GADL1: variants seen among roughly 807,000 people sequenced by gnomAD.
The protein encoded by GADL1 is GAD like acidic amino acid decarboxylase 1.
GADL1 carries 71 observed loss-of-function variants against 69.5 expected under a neutral mutation model. That is an observed-to-expected ratio of 1.02 (90% CI 0.84 to 1.25). The LOEUF is 1.25. Among genes scored for constraint, GADL1 ranks in the 50% most tolerant of loss-of-function variants. The pLI is 0.00. For synonymous variants in GADL1, 254 were observed against 214.4 expected (o/e 1.18, Z -1.62); for missense variants, 737 against 631.8 (o/e 1.17, Z -1.79).
intron 1 of GADL1, among the ~76,000 whole-genome samples, chr3:30,890,209 A>G (rs545866091): frequency 3.9e-5 from 6 of 152,316 alleles, no homozygotes; most frequent in Admixed American, 2.6e-4. Context: ...AGAACTTAAG[A>G]TTTCGGGAAT....
intron 6 of GADL1, among the ~76,000 whole-genome samples, chr3:30,845,043 C>A (rs576866284): frequency 1.3e-5 from 2 of 152,122 alleles, no homozygotes; most frequent in Non-Finnish European, 2.9e-5. Flanking sequence ...TTTCCTAGAG[C>A]AAACAATGAG....
At chr3:30,746,908 A>G (rs1695715823) in intron 14 of GADL1, among the ~76,000 whole-genome samples, 1 of 152,186 alleles carries the variant, frequency 6.6e-6, no homozygotes, top group East Asian at 1.9e-4. Context: ...AAAATGAGAT[A>G]TGAGAGTTTA....
intron 3 of GADL1, among the ~76,000 whole-genome samples, chr3:30,855,485 G>A (rs1230777668): frequency 5.3e-5 from 8 of 152,044 alleles, no homozygotes; most frequent in South Asian, 2.1e-4. Flanking sequence ...GGACCCATGC[G>A]ACTGGCAGTA....
At chr3:30,798,425 G>A (rs908996169) in intron 12 of GADL1, 1 of 152,430 alleles carries the variant, frequency 6.6e-6, no homozygotes, top group African/African-American at 2.4e-5. Flanking sequence ...AGAAACCCCT[G>A]ATAAAACCAT....
At chr3:30,869,903 C>G (rs1698456739) in intron 1 of GADL1, among the ~76,000 whole-genome samples, 1 of 151,740 alleles carries the variant, frequency 6.6e-6, no homozygotes, top group Non-Finnish European at 1.5e-5. Context: ...GAAATCCTAT[C>G]CAAAAGGCAT....
chr3:30,821,335 TAAAGA>T (rs763507178), intron 11 of GADL1, among the ~76,000 whole-genome samples: 1 of 150,836 alleles, frequency 6.6e-6, no homozygotes, highest in Non-Finnish European at 1.5e-5. Flanking sequence ...ATAATAATAA[TAAAGA>T]AAAAAAGAAA....
intron 14 of GADL1, among the ~76,000 whole-genome samples, chr3:30,735,911 T>C (rs1695535883): frequency 6.6e-6 from 1 of 152,168 alleles, no homozygotes; most frequent in Non-Finnish European, 1.5e-5. Flanking sequence ...GTACCCAACA[T>C]ACTTATTAAA....
At chr3:30,824,685 A>G (rs2125519345) in intron 11 of GADL1, among the ~76,000 whole-genome samples, 1 of 151,098 alleles carries the variant, frequency 6.6e-6, no homozygotes, top group Admixed American at 6.6e-5. Context: ...TCCAAGCACA[A>G]GAAAATACAT....
At chr3:30,774,365 C>G (rs1696487086) in intron 14 of GADL1, among the ~76,000 whole-genome samples, 1 of 152,160 alleles carries the variant, frequency 6.6e-6, no homozygotes, top group Non-Finnish European at 1.5e-5. Context: ...TTTAACATAC[C>G]AATGCCAAAT....
intron 14 of GADL1, among the ~76,000 whole-genome samples, chr3:30,730,957 C>T (rs926826846): frequency 6.6e-6 from 1 of 152,196 alleles, no homozygotes; most frequent in Non-Finnish European, 1.5e-5. Flanking sequence ...TTTAAAATCT[C>T]TCTGGCCACA....
At chr3:30,770,758 AGATAGGC>A (rs1696398107) in intron 14 of GADL1, among the ~76,000 whole-genome samples, 2 of 152,180 alleles carry the variant, frequency 1.3e-5, no homozygotes, top group Non-Finnish European at 2.9e-5. Context: ...AATTTTCAAG[AGATAGGC>A]TAAACTCAGA....
chr3:30,863,958 A>G (rs1450670353), intron 1 of GADL1, among the ~76,000 whole-genome samples: 4 of 152,068 alleles, frequency 2.6e-5, no homozygotes, highest in Non-Finnish European at 4.4e-5. Context: ...TCTGCAGCAA[A>G]GGATCAATCT....
chr3:30,831,130 A>T (rs868700376), intron 11 of GADL1, among the ~76,000 whole-genome samples: 5 of 151,782 alleles, frequency 3.3e-5, no homozygotes, highest in Admixed American at 3.3e-4. Context: ...CTAAATGAAA[A>T]TTTTTTCCAA....
intron 11 of GADL1, among the ~76,000 whole-genome samples, chr3:30,819,540 G>C (rs1361032701): frequency 6.6e-6 from 1 of 152,032 alleles, no homozygotes; most frequent in Non-Finnish European, 1.5e-5. Context: ...AGATTAATTG[G>C]AAAGTAATTT....
At chr3:30,842,337 TG>T (rs57976147) in intron 8 of GADL1, among the ~76,000 whole-genome samples, 8,168 of 152,180 alleles carry the variant, frequency 0.054, 738 homozygotes, top group African/African-American at 0.19. Flanking sequence ...GTATTATGTC[TG>T]GGGTTTGCTT....
chr3:30,786,062 A>G (rs1696782523), intron 13 of GADL1, among the ~76,000 whole-genome samples: 1 of 152,234 alleles, frequency 6.6e-6, no homozygotes, highest in South Asian at 2.1e-4. Context: ...TTGCAGTACA[A>G]TCATGCAATT....
At chr3:30,820,793 A>G (rs1373331975) in intron 11 of GADL1, among the ~76,000 whole-genome samples, 2 of 151,846 alleles carry the variant, frequency 1.3e-5, no homozygotes, top group African/African-American at 4.8e-5. Flanking sequence ...AACTAGAAAT[A>G]CCATTTGACC....
At chr3:30,730,544 T>C (rs1357295508) in intron 14 of GADL1, among the ~76,000 whole-genome samples, 1 of 152,182 alleles carries the variant, frequency 6.6e-6, no homozygotes, top group Non-Finnish European at 1.5e-5. Context: ...GCAAGAACAG[T>C]GGAGGGCCCT....
chr3:30,762,458 CTT>C (rs1696160225), intron 14 of GADL1, among the ~76,000 whole-genome samples: 1 of 152,116 alleles, frequency 6.6e-6, no homozygotes, highest in Admixed American at 6.5e-5. Context: ...AGATTAGAAA[CTT>C]AACATTTTTA....
Sources: gnomAD v4.1 joint callset for allele counts (sites outside exome capture counted in the v4.1 genomes callset) on GRCh38, gnomAD v4.1.1 for gene constraint, MANE v1.5 for transcripts, NCBI Gene and HGNC (gene_info 2026-07-23, HGNC 2026-07-21) for gene names.